Variants in LDHC observed in about 807,000 individuals in gnomAD.
LDHC encodes the protein L-lactate dehydrogenase C chain.
Under a neutral mutation model 30.2 loss-of-function variants are expected in LDHC, and 20 were observed. The observed-to-expected ratio is 0.66, with a 90% CI of 0.47 to 0.96. The LOEUF is 0.96. Ranked by LOEUF, LDHC falls within the 40% of genes least tolerant of loss-of-function variation. LDHC has a pLI of 0.00. For synonymous variants in LDHC, 139 were observed against 132.7 expected (o/e 1.05, Z -0.32); for missense variants, 362 against 394.9 (o/e 0.92, Z 0.71).
At chr11:18,425,758 T>G (rs1456852979) in intron 3 of LDHC, among the ~76,000 whole-genome samples, 2 of 151,530 alleles carry the variant, frequency 1.3e-5, no homozygotes, top group Non-Finnish European at 2.9e-5. Flanking sequence ...GCTAACGCGG[T>G]GAAACCCCTT....
At chr11:18,449,480 T>A (rs1848617927) in intron 7 of LDHC, among the ~76,000 whole-genome samples, 1 of 135,626 alleles carries the variant, frequency 7.4e-6, no homozygotes. Context: ...GGAAGTGAAT[T>A]GCGAATTTCA....
intron 6 of LDHC, among the ~76,000 whole-genome samples, chr11:18,438,869 A>G (rs1042488557): frequency 3.3e-5 from 5 of 152,216 alleles, no homozygotes; most frequent in African/African-American, 7.2e-5. Flanking sequence ...GAGTAATAAA[A>G]GCATAGTGAT....
At chr11:18,432,156 G>A (rs1191285763) in intron 4 of LDHC, among the ~76,000 whole-genome samples, 1 of 152,054 alleles carries the variant, frequency 6.6e-6, no homozygotes, top group Non-Finnish European at 1.5e-5. Context: ...GGTTTTGATA[G>A]GTTGTGTCAT....
At chr11:18,428,658 T>C (rs1299896608) in intron 3 of LDHC, among the ~76,000 whole-genome samples, 4 of 151,978 alleles carry the variant, frequency 2.6e-5, no homozygotes, top group African/African-American at 9.7e-5. Context: ...GTGGATCAGT[T>C]GAGGTCAGGA....
At chr11:18,445,175 T>C (rs569031089) in intron 6 of LDHC, among the ~76,000 whole-genome samples, 2 of 152,252 alleles carry the variant, frequency 1.3e-5, no homozygotes, top group African/African-American at 2.4e-5. Flanking sequence ...TAAATTTACA[T>C]TGGCAAGCTA....
At chr11:18,423,676 A>G (rs1590225740) in intron 3 of LDHC, among the ~76,000 whole-genome samples, 1 of 152,206 alleles carries the variant, frequency 6.6e-6, no homozygotes, top group African/African-American at 2.4e-5. Flanking sequence ...TTTAAACACA[A>G]AGACACAAAA....
chr11:18,438,701 A>C (rs1848402940), intron 6 of LDHC, 56 bp downstream of exon 6: 1 of 904,974 alleles, frequency 1.1e-6, no homozygotes, highest in African/African-American at 1.6e-5. Flanking sequence ...AAGAATAAAT[A>C]TCACGGACAA....
chr11:18,434,739 G>T lies in LDHC; in HGVS notation c.419-1G>T. 6.4e-7 allele frequency: 1 copy of T among 1,568,940 alleles called. No homozygotes were observed. Among genetic ancestry groups the T allele is most frequent in the Non-Finnish European group, 8.7e-7 (1 of 1,152,750 alleles). On this transcript the variant is annotated splice_acceptor_variant, in intron 4 of 7. Transcript: ENST00000541669. LOFTEE classifies it high-confidence loss of function. Reference sequence around the variant, plus strand: ...TTCTAACACAAAATTTTTCTTCTTAGTGGATATTTTGACATATATAGTCTG... The same window carrying T: ...TTCTAACACAAAATTTTTCTTCTTATTGGATATTTTGACATATATAGTCTG...
At chr11:18,424,901 G>C (rs1019443076) in intron 3 of LDHC, among the ~76,000 whole-genome samples, 1 of 151,970 alleles carries the variant, frequency 6.6e-6, no homozygotes, top group African/African-American at 2.4e-5. Flanking sequence ...CCAGCTACTC[G>C]GGAGGCTGAG....
At chr11:18,432,358 T>C (rs1035197701) in intron 4 of LDHC, among the ~76,000 whole-genome samples, 1 of 152,264 alleles carries the variant, frequency 6.6e-6, no homozygotes, top group South Asian at 2.1e-4. Flanking sequence ...CTTAAATTTA[T>C]TGAGGCTCAT....
At chr11:18,418,391 T>C (rs1867060405) in intron 3 of LDHC, among the ~76,000 whole-genome samples, 1 of 150,290 alleles carries the variant, frequency 6.7e-6, no homozygotes, top group Non-Finnish European at 1.5e-5. Flanking sequence ...ATTTGGTGGA[T>C]TGGTTAAATG....
chr11:18,421,105 G>A (rs1167054165), intron 3 of LDHC, among the ~76,000 whole-genome samples: 2 of 151,792 alleles, frequency 1.3e-5, no homozygotes, highest in African/African-American at 4.8e-5. Context: ...CCCAGGCTGG[G>A]TGCAGTGGTG....
intron 7 of LDHC, among the ~76,000 whole-genome samples, chr11:18,449,688 T>A (rs896959676): frequency 1.3e-5 from 2 of 152,108 alleles, no homozygotes; most frequent in Admixed American, 6.5e-5. Flanking sequence ...ATGAGGGAGC[T>A]GGACTATGGT....
At chr11:18,425,267 C>G (rs1848142172) in intron 3 of LDHC, among the ~76,000 whole-genome samples, 1 of 152,100 alleles carries the variant, frequency 6.6e-6, no homozygotes, top group Non-Finnish European at 1.5e-5. Flanking sequence ...ACCTCAAACT[C>G]TTGAATTCCT....
At chr11:18,443,763 T>C (rs977860590) in intron 6 of LDHC, among the ~76,000 whole-genome samples, 5 of 152,178 alleles carry the variant, frequency 3.3e-5, no homozygotes, top group Non-Finnish European at 7.3e-5. Context: ...CTCGGGCAGT[T>C]CCTTTTTAAT....
At chr11:18,424,056 C>T (rs925517632) in intron 3 of LDHC, among the ~76,000 whole-genome samples, 1 of 151,806 alleles carries the variant, frequency 6.6e-6, no homozygotes, top group African/African-American at 2.4e-5. Flanking sequence ...AGTGCTCTCA[C>T]ACACAGCATA....
At chr11:18,419,927 A>G (rs1434086184) in intron 3 of LDHC, among the ~76,000 whole-genome samples, 2 of 152,128 alleles carry the variant, frequency 1.3e-5, no homozygotes, top group Non-Finnish European at 2.9e-5. Flanking sequence ...ACCTGTCTCT[A>G]CTAAAAATAC....
In LDHC at chr11:18,451,018, G is replaced by A. The variant is rs760395380; in HGVS notation, c.890G>A (p.Arg297Gln). ...LFLSIPCVLG[R>Q]NGVSDVVKIN... is the part of the protein sequence containing the mutation. ...CTCAGTATCCCTTGTGTCTTGGGGC[G>A]GAATGGTGTCTCAGATGTTGTGAAA... Residue 297 changes from arginine to glutamine, a missense_variant, in exon 8 of 8, where the codon CGG becomes CAG. Arg to Gln is a conservative substitution (Grantham distance 43). Transcript: ENST00000541669. The A allele has an allele frequency of 1.7e-5, 27 of 1,596,270 alleles. No individual in the cohort carries two copies. The highest frequency in any genetic ancestry group is 8.1e-5 in the African/African-American group (6 of 74,086).
chr11:18,415,396 C>A, intron 3 of LDHC, 95 bp downstream of exon 3: 3 of 676,712 alleles, frequency 4.4e-6, no homozygotes, highest in South Asian at 2.0e-5. Context: ...TTAAAAATAG[C>A]ACCATGCCAT....
Sources: gnomAD v4.1 joint callset for allele counts (sites outside exome capture counted in the v4.1 genomes callset) on GRCh38, gnomAD v4.1.1 for gene constraint, MANE v1.5 for transcripts, NCBI Gene and HGNC (gene_info 2026-07-23, HGNC 2026-07-21) for gene names.